FYCO1: variants seen among roughly 807,000 people sequenced by gnomAD.
FYCO1 encodes the protein FYVE and coiled-coil domain-containing protein 1.
Under a neutral mutation model 165.1 loss-of-function variants are expected in FYCO1, and 122 were observed. That is an observed-to-expected ratio of 0.74 (90% CI 0.64 to 0.86). The LOEUF (loss-of-function observed/expected upper bound fraction) is 0.86, where lower values mean the gene tolerates loss of function less well. Ranked by LOEUF, FYCO1 falls within the 40% of genes least tolerant of loss-of-function variation. The pLI is 0.00. For missense variants in FYCO1, 1,702 were observed against 1,810.3 expected (o/e 0.94, Z 1.09); for synonymous variants, 648 against 742.5 (o/e 0.87, Z 2.07).
chr3:45,921,929 T>C (rs1262559110), intron 17 of FYCO1, 89 bp from the exon 18 acceptor site: 3 of 810,598 alleles, frequency 3.7e-6, no homozygotes, highest in Non-Finnish European at 6.5e-6. Context: ...CTGTGGTCAC[T>C]GCAGTGACCT....
Position 45,962,440 on chromosome 3 carries a change from T to C in FYCO1, c.3270-48A>G. 16 of 1,564,804 alleles carry C rather than the reference T, an allele frequency of 1.0e-5. No homozygotes were observed. Among genetic ancestry groups the C allele is most frequent in the Non-Finnish European group, 1.4e-5 (16 of 1,135,138 alleles). ...TCTTGATTAGCCAGGACTTCCAGCT[T>C]TCCCAGGGCTCTAAGCTCACCCAGG... On this transcript the variant is annotated intron_variant, in intron 10 of 17. Transcript: ENST00000296137. The surrounding 1 kb of genome is among the most constrained non-coding windows in gnomAD (Gnocchi z 4.4).
At position 45,921,053 on chromosome 3, in the gene FYCO1, G is replaced by A. The variant is rs979478838; in HGVS notation, c.*712C>T. 1 of 158,466 alleles carries A rather than the reference G, an allele frequency of 6.3e-6. No homozygotes were observed. Among genetic ancestry groups the A allele is most frequent in the Non-Finnish European group, 1.4e-5 (1 of 71,392 alleles). 9.8% of individuals were successfully genotyped at this position (158,466 alleles called of 1,614,324 possible). A position where few individuals can be genotyped will look rare whatever the true frequency, so the allele number is the denominator to read the frequency against. ...TCTGATTCTTAGGGCAATGCTTTGA[G>A]CTGTGGAGAGGTCTGGCTGAGTGAA... On this transcript the variant is annotated 3_prime_UTR_variant, in exon 18 of 18. Coordinates refer to ENST00000296137, the MANE Select transcript of FYCO1 (RefSeq NM_024513.4).
At chr3:45,937,615 G>T (rs115064401) in intron 14 of FYCO1, among the ~76,000 whole-genome samples, 3 of 152,252 alleles carry the variant, frequency 2.0e-5, no homozygotes, top group Non-Finnish European at 4.4e-5. Context: ...AGCATTGTGT[G>T]AGCCCACTGG....
intron 14 of FYCO1, among the ~76,000 whole-genome samples, chr3:45,952,148 G>A (rs1705068445): frequency 1.3e-5 from 2 of 152,226 alleles, no homozygotes; most frequent in African/African-American, 4.8e-5. Context: ...GGACTAGTGA[G>A]GTCACGTGTA....
chr3:45,985,491 G>A (rs1476463892), intron 1 of FYCO1, among the ~76,000 whole-genome samples: 1 of 152,162 alleles, frequency 6.6e-6, no homozygotes, highest in Non-Finnish European at 1.5e-5. Context: ...TCAGTCTCTA[G>A]CCAGGCAGTG....
At chr3:45,937,852 C>T (rs1052536763) in intron 14 of FYCO1, among the ~76,000 whole-genome samples, 3 of 152,080 alleles carry the variant, frequency 2.0e-5, no homozygotes, top group Non-Finnish European at 2.9e-5. Flanking sequence ...TTTCCAGGCC[C>T]GCACCCTCAC....
In FYCO1 at chr3:45,962,699, A is replaced by C. The variant is rs1371384277; in HGVS notation, c.3270-307T>G. ...GGCTTGCAAGAGAAGCCTGATAGGC[A>C]AGGCTCATGGGCTGGTGATGGGGAG... On this transcript the variant is annotated intron_variant, in intron 10 of 17. Coordinates refer to ENST00000296137, the MANE Select transcript of FYCO1 (RefSeq NM_024513.4). This position sits in a 1 kb window ranked among gnomAD's most constrained non-coding sequence, Gnocchi z 4.4. 1.3e-5 allele frequency among the ~76,000 whole-genome samples: 2 copies of C among 152,164 alleles called. No homozygotes were observed. Among genetic ancestry groups the C allele is most frequent in the African/African-American group, 4.8e-5 (2 of 41,434 alleles).
intron 2 of FYCO1, among the ~76,000 whole-genome samples, chr3:45,982,466 G>C (rs1707106560): frequency 6.6e-6 from 1 of 152,192 alleles, no homozygotes; most frequent in South Asian, 2.1e-4. Flanking sequence ...CTCAAGAGCT[G>C]TCTAACTCCA....
Position 45,964,431 on chromosome 3 carries a change from C to T in FYCO1, c.3174G>A (p.Glu1058=). The T allele has an allele frequency of 6.2e-7, 1 of 1,614,098 alleles. No individual in the cohort carries two copies. The change falls in exon 10 of 18, where the codon GAG becomes GAA. Residue 1058 remains glutamate, a synonymous_variant. Transcript: ENST00000296137. The surrounding 1 kb of genome is among the most constrained non-coding windows in gnomAD (Gnocchi z 4.1). Reference sequence around the variant, plus strand: ...GATGGTTGCTAGTGCAGCTCAGCTTCTCTCCCATGTCTGCTTGGGTGGCCT... The same window carrying T: ...GATGGTTGCTAGTGCAGCTCAGCTTTTCTCCCATGTCTGCTTGGGTGGCCT... The part of the protein sequence containing the change: ...KLKATQADMG[E]KLSCTSNHLA...
chr3:45,924,906 C>A (rs1703246965), intron 16 of FYCO1, among the ~76,000 whole-genome samples: 1 of 148,318 alleles, frequency 6.7e-6, no homozygotes, highest in Non-Finnish European at 1.5e-5. Flanking sequence ...AGCCACCATG[C>A]TAGGCTAGAG....
chr3:45,921,901 C>A, intron 17 of FYCO1, 61 bp from the exon 18 acceptor site: 1 of 1,101,808 alleles, frequency 9.1e-7, no homozygotes. Flanking sequence ...CGAGGGGTGG[C>A]AGCTGCTGCT....
At chr3:45,938,527 C>T (rs1704025565) in intron 14 of FYCO1, among the ~76,000 whole-genome samples, 1 of 152,190 alleles carries the variant, frequency 6.6e-6, no homozygotes, top group Admixed American at 6.5e-5. Flanking sequence ...TGGAGTTTTG[C>T]TCTGTTGCCA....
At chr3:45,937,625 G>GCTCAGAAAGAAGTGGGCTTGAC (rs1703974550) in intron 14 of FYCO1, among the ~76,000 whole-genome samples, 1 of 152,250 alleles carries the variant, frequency 6.6e-6, no homozygotes, top group African/African-American at 2.4e-5. Context: ...GAGCCCACTG[G>GCTCAGAAAGAAGTGGGCTTGAC]CTCAGAAAGA....
rs1452536233 is a variant in FYCO1, at chr3:45,966,359, A to G, written c.2975T>C (p.Leu992Pro). The G allele has an allele frequency of 6.2e-7, 1 of 1,614,178 alleles. No individual in the cohort carries two copies. The highest frequency in any genetic ancestry group is 1.7e-5 in the Admixed American group (1 of 60,028). ...GAGCTCCTGGTGTGCAGCCTCTTGG[A>G]GGCTCTGGGCCCGCTGCTCTGCCTG... is the stretch of plus-strand genomic sequence containing the variant. ...LAQAEQRAQS[L>P]QEAAHQELNT... Residue 992 changes from leucine to proline, a missense_variant, in exon 8 of 18, where the codon CTC (leucine) becomes CCC (proline). Leu to Pro is a moderately conservative substitution (Grantham distance 98). Transcript: ENST00000296137.
At position 45,959,405 on chromosome 3, in the gene FYCO1, C is replaced by T. The variant is rs376165229; in HGVS notation, c.3575G>A (p.Arg1192Gln). 35 of 1,613,810 alleles carry T rather than the reference C, an allele frequency of 2.2e-5. No individual in the cohort carries two copies. The highest frequency in any genetic ancestry group is 2.8e-5 in the Non-Finnish European group (33 of 1,180,002). The part of the protein sequence containing the change: ...CKREFSWMVR[R>Q]HHCRICGRIF... ...GCTCCCTGCTGACCTGCAGTGGTGC[C>T]GCCGCACCATCCAGCTGAACTCCCG... Residue 1192 changes from arginine to glutamine, a missense_variant, in exon 12 of 18, where the codon CGG becomes CAG. Physicochemically the swap from Arg to Gln is conservative, Grantham distance 43. Transcript: ENST00000296137.
chr3:45,968,327 G>C lies in FYCO1; in HGVS notation c.1007C>G (p.Ala336Gly). The C allele has an allele frequency of 5.6e-6, 9 of 1,613,770 alleles. No homozygotes were observed. Among genetic ancestry groups the C allele is most frequent in the Non-Finnish European group, 7.6e-6 (9 of 1,180,038 alleles). The change falls in exon 8 of 18, where the codon GCC (alanine) becomes GGC (glycine). Residue 336 changes from alanine to glycine, a missense_variant. Physicochemically the swap from Ala to Gly is moderately conservative, Grantham distance 60. Transcript: ENST00000296137. ...CAGCATGGACTCCAGCCGCCGCAGG[G>C]CTGTGTGGTAGTCCTCCTCCTTCTC... ...AAEKEEDYHT[A>G]LRRLESMLQP...
At chr3:45,938,505 T>C (rs1244670904) in intron 14 of FYCO1, among the ~76,000 whole-genome samples, 1 of 152,218 alleles carries the variant, frequency 6.6e-6, no homozygotes, top group Non-Finnish European at 1.5e-5. Flanking sequence ...TTGTTGTTGT[T>C]TGTTTTTGAG....
chr3:45,978,891 C>G (rs914591776), intron 4 of FYCO1, among the ~76,000 whole-genome samples: 1 of 146,358 alleles, frequency 6.8e-6, no homozygotes, highest in African/African-American at 2.5e-5. Flanking sequence ...GAGTCTCGCT[C>G]TGTCGCCCAG....
intron 7 of FYCO1, 95 bp downstream of exon 7, chr3:45,969,580 C>A: frequency 1.1e-6 from 1 of 929,406 alleles, no homozygotes; most frequent in Non-Finnish European, 1.7e-6. Flanking sequence ...GCTGGAACAA[C>A]GGGCATCTGA....
Sources: allele counts gnomAD v4.1 joint callset (sites outside exome capture counted in the v4.1 genomes callset), GRCh38; gene constraint gnomAD v4.1.1; non-coding constraint Gnocchi (gnomAD v3.1); transcripts MANE v1.5; gene names NCBI Gene and HGNC (gene_info 2026-07-23, HGNC 2026-07-21).